Variants in PGM5 observed in about 807,000 individuals in gnomAD.
The protein encoded by PGM5 is phosphoglucomutase 5.
Under a neutral mutation model 59.2 loss-of-function variants are expected in PGM5, and 23 were observed. That is an observed-to-expected ratio of 0.39 (90% confidence interval 0.28 to 0.55). PGM5 has a LOEUF of 0.55. PGM5 is among the 20% of genes least tolerant of loss of function. The pLI is 0.66. For synonymous variants in PGM5, 214 were observed against 286.0 expected (o/e 0.75, Z 2.54); for missense variants, 574 against 748.3 (o/e 0.77, Z 2.72).
intron 6 of PGM5, among the ~76,000 whole-genome samples, chr9:68,461,636 T>C (rs1823860710): frequency 6.6e-6 from 1 of 152,184 alleles, no homozygotes; most frequent in African/African-American, 2.4e-5. Flanking sequence ...AGCATTTGGC[T>C]AGCTTTTCCT....
intron 6 of PGM5, among the ~76,000 whole-genome samples, chr9:68,448,109 A>C (rs967414131): frequency 2.0e-5 from 3 of 152,174 alleles, no homozygotes; most frequent in Admixed American, 2.0e-4. Context: ...ACTTGTAGGC[A>C]AATAGGTTGT....
chr9:68,503,550 A>G (rs546775327), intron 10 of PGM5, among the ~76,000 whole-genome samples: 1 of 152,314 alleles, frequency 6.6e-6, no homozygotes, highest in Admixed American at 6.5e-5. Flanking sequence ...TACTTTTGTG[A>G]GCGAAAGATA....
At chr9:68,395,696 G>A (rs1554679911) in intron 6 of PGM5, 3 of 151,824 alleles carry the variant, frequency 2.0e-5, no homozygotes, top group Admixed American at 6.6e-5. Context: ...TTATTTTGAC[G>A]CTATTATGAA....
chr9:68,451,259 C>A (rs969707110), intron 6 of PGM5, among the ~76,000 whole-genome samples: 1 of 152,156 alleles, frequency 6.6e-6, no homozygotes, highest in East Asian at 1.9e-4. Context: ...CGATTAACTG[C>A]GTAATTGAAT....
chr9:68,495,098 C>A (rs1418345171), intron 9 of PGM5, among the ~76,000 whole-genome samples: 1 of 152,200 alleles, frequency 6.6e-6, no homozygotes, highest in Admixed American at 6.5e-5. Context: ...CCTCCCAGAG[C>A]TTGTTAGCTA....
chr9:68,430,302 G>T (rs2132055303), intron 6 of PGM5, among the ~76,000 whole-genome samples: 1 of 152,336 alleles, frequency 6.6e-6, no homozygotes, highest in Non-Finnish European at 1.5e-5. Flanking sequence ...TGCCTGCAGT[G>T]GATGTGCGTG....
rs3118931 is a variant in PGM5, at chr9:68,406,720, A to T, written c.1043+14247A>T. Among the ~76,000 whole-genome samples, 2 of 76,580 alleles carry T rather than the reference A, an allele frequency of 2.6e-5. 1 individual carries two copies. 50.2% of individuals were successfully genotyped at this position (76,580 alleles called of 152,430 possible). ...TATATATATATATATATATATATAT[A>T]TATATGTATATAGTGCTTACAGCAG... On this transcript the variant is annotated intron_variant, in intron 6 of 10. Transcript: ENST00000396396.
At chr9:68,430,876 T>C (rs1294042954) in intron 6 of PGM5, among the ~76,000 whole-genome samples, 1 of 152,234 alleles carries the variant, frequency 6.6e-6, no homozygotes, top group Non-Finnish European at 1.5e-5. Context: ...CTGTCTTTTG[T>C]AATTAGAGTA....
chr9:68,358,344 T>C (rs1834510491), intron 1 of PGM5, among the ~76,000 whole-genome samples: 1 of 152,174 alleles, frequency 6.6e-6, no homozygotes, highest in South Asian at 2.1e-4. Context: ...CTCTCTGTCC[T>C]ATAACTAGAA....
At chr9:68,376,839 C>CTT (rs1554677789) in intron 1 of PGM5, among the ~76,000 whole-genome samples, 3 of 131,854 alleles carry the variant, frequency 2.3e-5, no homozygotes, top group African/African-American at 8.7e-5. Context: ...CTTTCTCTTT[C>CTT]TTTCTTTCTT....
chr9:68,508,586 A>G (rs147349440), intron 10 of PGM5, among the ~76,000 whole-genome samples: 229 of 152,342 alleles, frequency 1.5e-3, no homozygotes, highest in African/African-American at 5.3e-3. Flanking sequence ...TGGTTAACCC[A>G]GTGATGTTTA....
chr9:68,527,698 T>C (rs1395494744), intron 10 of PGM5, among the ~76,000 whole-genome samples: 1 of 151,918 alleles, frequency 6.6e-6, no homozygotes, highest in South Asian at 2.1e-4. Flanking sequence ...CACTTTCTTG[T>C]GTTCTAGATT....
intron 7 of PGM5, among the ~76,000 whole-genome samples, chr9:68,477,340 AGTTT>A (rs1824124157): frequency 6.6e-6 from 1 of 152,054 alleles, no homozygotes; most frequent in Non-Finnish European, 1.5e-5. Context: ...TGAGAAAAAA[AGTTT>A]AACATTTAAC....
intron 9 of PGM5, among the ~76,000 whole-genome samples, chr9:68,487,147 C>G (rs1453776424): frequency 6.6e-6 from 1 of 152,076 alleles, no homozygotes; most frequent in Non-Finnish European, 1.5e-5. Flanking sequence ...TCAGTATTCT[C>G]TTGTGTTGGA....
intron 9 of PGM5, among the ~76,000 whole-genome samples, chr9:68,490,143 T>C (rs1011725650): frequency 6.6e-6 from 1 of 152,172 alleles, no homozygotes; most frequent in Non-Finnish European, 1.5e-5. Flanking sequence ...TTCCAGCATG[T>C]GGTGTTTTAA....
chr9:68,516,409 A>T (rs1824824827), intron 10 of PGM5, among the ~76,000 whole-genome samples: 1 of 152,176 alleles, frequency 6.6e-6, no homozygotes, highest in African/African-American at 2.4e-5. Context: ...CCCAAGGGCT[A>T]GCCCTTTCTT....
At chr9:68,471,516 G>T (rs554192734) in intron 7 of PGM5, among the ~76,000 whole-genome samples, 42 of 151,870 alleles carry the variant, frequency 2.8e-4, no homozygotes, top group Admixed American at 2.6e-3. Flanking sequence ...TCTTAAACAG[G>T]TTATGGTGGT....
rs557842785 is a variant in PGM5 at position 68,467,894 on chromosome 9, T to C, written c.1159+2686T>C. Among the ~76,000 whole-genome samples the C allele has an allele frequency of 2.6e-5, 4 of 152,314 alleles. No individual in the cohort carries two copies. The South Asian group carries it at 8.3e-4, about 32-fold the overall frequency. ...ATAGTAATTATTAATTTAATTATCATATTAATTGTAGTGGATTTTTTTTCC... is the reference window on the plus strand; with the variant it reads ...ATAGTAATTATTAATTTAATTATCACATTAATTGTAGTGGATTTTTTTTCC... On this transcript the variant is annotated intron_variant, in intron 7 of 10. Transcript: ENST00000396396.
chr9:68,394,151 C>T (rs1448308445), intron 6 of PGM5: 1 of 152,034 alleles, frequency 6.6e-6, no homozygotes, highest in Admixed American at 6.6e-5. Flanking sequence ...CGGGAATGTT[C>T]TGTGTCTTAA....
Sources: gnomAD v4.1 joint callset for allele counts (sites outside exome capture counted in the v4.1 genomes callset) on GRCh38, gnomAD v4.1.1 for gene constraint, MANE v1.5 for transcripts, NCBI Gene and HGNC (gene_info 2026-07-23, HGNC 2026-07-21) for gene names.